The following TNPO3 variants were observed in gnomAD, a reference collection of about 807,000 sequenced individuals.
TNPO3 encodes transportin-3.
In TNPO3, 65 loss-of-function variants were observed where a neutral mutation model predicts 122.8. The observed-to-expected ratio is 0.53, with a 90% confidence interval of 0.43 to 0.65. The LOEUF is 0.65. Ranked by LOEUF, TNPO3 falls within the 30% of genes least tolerant of loss-of-function variation. The pLI is 0.00. For missense variants in TNPO3, 850 were observed against 1,136.7 expected, an observed-to-expected ratio of 0.75 and a Z score of 3.63; for synonymous variants, 372 against 411.2, an observed-to-expected ratio of 0.90 and a Z score of 1.15.
At chr7:128,984,134 A>G in intron 13 of TNPO3, 34 bp downstream of exon 13, 1 of 1,346,554 alleles carries the variant, frequency 7.4e-7, no homozygotes, top group Non-Finnish European at 1.0e-6. Context: ...TAAACATCTT[A>G]TATTTGTTTC....
intron 11 of TNPO3, 30 bp from the exon 12 acceptor site, chr7:128,986,950 T>G (rs375666974): frequency 1.9e-4 from 297 of 1,549,716 alleles, no homozygotes; most frequent in Non-Finnish European, 2.4e-4. Flanking sequence ...AGAGATTACA[T>G]ATCTGAAACT....
At chr7:128,967,166 G>T in intron 21 of TNPO3, 114 bp downstream of exon 21, 1 of 697,958 alleles carries the variant, frequency 1.4e-6, no homozygotes, top group Non-Finnish European at 2.5e-6. Context: ...GCCAATTTGT[G>T]CAATTCAAGG....
At chr7:129,054,442 G>A (rs1809218772) in intron 1 of TNPO3, among the ~76,000 whole-genome samples, 1 of 152,182 alleles carries the variant, frequency 6.6e-6, no homozygotes, top group African/African-American at 2.4e-5. Flanking sequence ...ATTCTGCCGG[G>A]TGGGGAAAGG....
chr7:128,979,878 T>C, intron 15 of TNPO3, 93 bp downstream of exon 15: 3 of 1,138,422 alleles, frequency 2.6e-6, no homozygotes, highest in Non-Finnish European at 4.0e-6. Flanking sequence ...CCCTATGAAC[T>C]TGGAAGACAG....
rs772320757 is a variant in TNPO3, at chr7:128,993,873, G to A, written c.1200C>T (p.Arg400=). 2.5e-6 allele frequency: 4 copies of A among 1,614,006 alleles called. No individual in the cohort carries two copies. Among genetic ancestry groups the A allele is most frequent in the Non-Finnish European group, 3.4e-6 (4 of 1,179,986 alleles). Residue 400 remains arginine, a synonymous_variant, in exon 9 of 23, where the codon CGC becomes CGT. Coordinates refer to ENST00000265388, the MANE Select transcript of TNPO3 (RefSeq NM_012470.4). ...CCTTTACCAGGTCTGATACCCTCAT[G>A]CGAAACTCCCCAAAGTCATCAGTCT... The part of the protein sequence containing the change: ...PEETDDFGEF[R]MRVSDLVKDL...
At chr7:128,971,128 T>C (rs564563672) in intron 19 of TNPO3, 1 of 152,042 alleles carries the variant, frequency 6.6e-6, no homozygotes, top group African/African-American at 2.4e-5. Context: ...AAAAAACCCT[T>C]TTTTTCTTCT....
chr7:128,996,893 G>A (rs901487824), intron 8 of TNPO3, among the ~76,000 whole-genome samples: 1 of 151,284 alleles, frequency 6.6e-6, no homozygotes, highest in Non-Finnish European at 1.5e-5. Flanking sequence ...TTGTTATACT[G>A]CTGTACATGG....
chr7:128,998,345 G>A (rs1801561941), intron 7 of TNPO3, among the ~76,000 whole-genome samples: 3 of 152,016 alleles, frequency 2.0e-5, no homozygotes, highest in South Asian at 2.1e-4. Context: ...AGGCAACAGA[G>A]TGAGACCCTG....
intron 5 of TNPO3, among the ~76,000 whole-genome samples, chr7:129,004,058 C>G (rs903259656): frequency 1.3e-5 from 2 of 152,148 alleles, no homozygotes; most frequent in African/African-American, 2.4e-5. Context: ...TGGAGACAGA[C>G]AATGGCAAGC....
intron 4 of TNPO3, among the ~76,000 whole-genome samples, chr7:129,009,339 C>T (rs961465851): frequency 6.6e-6 from 1 of 152,188 alleles, no homozygotes; most frequent in Non-Finnish European, 1.5e-5. Flanking sequence ...AGAATGTAAT[C>T]ATTAAAGGAG....
At chr7:128,985,457 A>G (rs1393252117) in intron 12 of TNPO3, among the ~76,000 whole-genome samples, 1 of 152,168 alleles carries the variant, frequency 6.6e-6, no homozygotes, top group East Asian at 1.9e-4. Context: ...TCAGCTAAGC[A>G]TAGTGGTGTG....
intron 1 of TNPO3, among the ~76,000 whole-genome samples, chr7:129,026,789 T>C (rs185881498): frequency 7.9e-5 from 12 of 152,288 alleles, no homozygotes; most frequent in Admixed American, 7.8e-4. Context: ...AAAAAAGTGA[T>C]ACAGATCTTG....
At chr7:129,041,510 C>T in intron 1 of TNPO3, 1 of 977,908 alleles carries the variant, frequency 1.0e-6, no homozygotes, top group South Asian at 4.7e-5. Context: ...GGAAGAGAAT[C>T]AAGGAAGGAA....
chr7:129,005,018 A>G lies in TNPO3; in HGVS notation c.694T>C (p.Leu232=). The G allele has an allele frequency of 3.7e-6, 6 of 1,612,726 alleles. No individual in the cohort carries two copies. The highest frequency in any genetic ancestry group is 5.1e-6 in the Non-Finnish European group (6 of 1,179,424). The change falls in exon 5 of 23, where the codon TTG becomes CTG. Residue 232 remains leucine, a splice_region_variant and synonymous_variant. Coordinates refer to ENST00000265388, the MANE Select transcript of TNPO3 (RefSeq NM_012470.4). ...TGATAAATAAGGTCATTACTTACCAAAACCTCAAAAAGGAGTGCTAGTAAT... is the reference window on the plus strand; with the variant it reads ...TGATAAATAAGGTCATTACTTACCAGAACCTCAAAAAGGAGTGCTAGTAAT... ...NKLLALLFEV[L]QQDKTSSNLH...
chr7:129,010,375 C>T (rs1803051710), intron 4 of TNPO3, among the ~76,000 whole-genome samples: 1 of 152,038 alleles, frequency 6.6e-6, no homozygotes, highest in Non-Finnish European at 1.5e-5. Flanking sequence ...GCTATGTTGC[C>T]CAGGCTGGTC....
chr7:128,984,698 G>A (rs1169330200), intron 12 of TNPO3, among the ~76,000 whole-genome samples: 1 of 152,152 alleles, frequency 6.6e-6, no homozygotes. Flanking sequence ...GCTGCAATTA[G>A]AGATTTCACT....
At chr7:129,050,422 A>G (rs1459781924) in intron 1 of TNPO3, among the ~76,000 whole-genome samples, 1 of 150,426 alleles carries the variant, frequency 6.6e-6, no homozygotes, top group Admixed American at 6.6e-5. Context: ...GGAATCGGCT[A>G]GTAATGCAGC....
At position 128,954,286 on chromosome 7, in the gene TNPO3, G is replaced by C. The variant is rs1470990157; in HGVS notation, c.*1131C>G. On this transcript the variant is annotated 3_prime_UTR_variant, in exon 23 of 23. Coordinates refer to ENST00000265388, the MANE Select transcript of TNPO3 (RefSeq NM_012470.4). The stretch of plus-strand genomic sequence containing the variant: ...CAGTGCCCTCATATCTGATGGCTGT[G>C]AAGGGCTGCACTCCTTTGAAACATT... 1 of 152,226 alleles carries C rather than the reference G, an allele frequency of 6.6e-6. No individual in the cohort carries two copies. Among genetic ancestry groups the C allele is most frequent in the East Asian group, 1.9e-4 (1 of 5,198 alleles). The allele number at this position is 152,226 out of a possible 1,614,324, so 9.4% of individuals were successfully genotyped here.
intron 14 of TNPO3, among the ~76,000 whole-genome samples, chr7:128,980,844 G>A (rs1799557308): frequency 6.6e-6 from 1 of 152,102 alleles, no homozygotes; most frequent in Non-Finnish European, 1.5e-5. Context: ...TGCATTAAAA[G>A]ACTAAAAGCT....
Sources: gnomAD v4.1 joint callset for allele counts (sites outside exome capture counted in the v4.1 genomes callset) on GRCh38, gnomAD v4.1.1 for gene constraint, MANE v1.5 for transcripts, NCBI Gene and HGNC (gene_info 2026-07-23, HGNC 2026-07-21) for gene names.